Variants in GMDS observed in about 807,000 individuals in gnomAD.
GMDS encodes the protein GDP-mannose 4,6 dehydratase.
Under a neutral mutation model 49.9 loss-of-function variants are expected in GMDS, and 20 were observed. That is an observed-to-expected ratio of 0.40 (90% confidence interval 0.28 to 0.58). The LOEUF (loss-of-function observed/expected upper bound fraction) is 0.58. Among genes scored for constraint, GMDS ranks in the 20% least tolerant of loss-of-function variants. The pLI is 0.42. For missense variants in GMDS, 362 were observed against 481.4 expected (o/e 0.75, Z 2.32); for synonymous variants, 177 against 178.6 (o/e 0.99, Z 0.07).
intron 9 of GMDS, among the ~76,000 whole-genome samples, chr6:1,677,507 T>G: frequency 6.6e-6 from 1 of 152,154 alleles, no homozygotes; most frequent in East Asian, 1.9e-4. Flanking sequence ...GTATGTTTAT[T>G]GTGGCACTAT....
intron 1 of GMDS, among the ~76,000 whole-genome samples, chr6:2,212,052 T>C (rs1309027633): frequency 6.6e-6 from 1 of 152,252 alleles, no homozygotes; most frequent in Non-Finnish European, 1.5e-5. Context: ...GCAGGGAATT[T>C]TAATGTCATA....
At chr6:1,707,867 A>G (rs1306427034) in intron 9 of GMDS, among the ~76,000 whole-genome samples, 1 of 152,246 alleles carries the variant, frequency 6.6e-6, no homozygotes. Flanking sequence ...TTGGGAAAAT[A>G]GGCTTGTGTT....
At chr6:1,856,741 T>C (rs1757952739) in intron 7 of GMDS, among the ~76,000 whole-genome samples, 1 of 152,202 alleles carries the variant, frequency 6.6e-6, no homozygotes, top group East Asian at 1.9e-4. Context: ...TGTGGAACTC[T>C]TTAGGCTGCG....
At chr6:1,942,960 C>T (rs1762889554) in intron 6 of GMDS, among the ~76,000 whole-genome samples, 1 of 152,214 alleles carries the variant, frequency 6.6e-6, no homozygotes. Context: ...ACTCTCTTTG[C>T]CCTGACTCTC....
chr6:1,670,160 T>G (rs1764372175), intron 9 of GMDS, among the ~76,000 whole-genome samples: 1 of 151,898 alleles, frequency 6.6e-6, no homozygotes, highest in Non-Finnish European at 1.5e-5. Flanking sequence ...CCCCCTCAAC[T>G]CCTCCCTGTG....
intron 7 of GMDS, among the ~76,000 whole-genome samples, chr6:1,894,858 A>C (rs1230254200): frequency 2.0e-5 from 3 of 152,228 alleles, no homozygotes; most frequent in Non-Finnish European, 1.5e-5. Context: ...GACATTTAGG[A>C]AATAGTTATT....
At chr6:2,061,276 C>A (rs999923490) in intron 4 of GMDS, among the ~76,000 whole-genome samples, 1 of 152,158 alleles carries the variant, frequency 6.6e-6, no homozygotes, top group African/African-American at 2.4e-5. Flanking sequence ...CTCACTCACA[C>A]CCTGTCTCCC....
At chr6:2,002,125 T>C (rs1246321384) in intron 4 of GMDS, among the ~76,000 whole-genome samples, 7 of 152,190 alleles carry the variant, frequency 4.6e-5, no homozygotes, top group Non-Finnish European at 7.3e-5. Context: ...GAAGGGAAAA[T>C]TGGATTTATA....
chr6:1,819,685 C>T (rs1329690990), intron 7 of GMDS, among the ~76,000 whole-genome samples: 2 of 149,644 alleles, frequency 1.3e-5, no homozygotes, highest in African/African-American at 4.9e-5. Flanking sequence ...TGCTTGAACC[C>T]AGGAGGCAGA....
chr6:2,237,948 T>G (rs561054598), intron 1 of GMDS, among the ~76,000 whole-genome samples: 1 of 152,282 alleles, frequency 6.6e-6, no homozygotes, highest in East Asian at 1.9e-4. Flanking sequence ...AGGGAAAGTG[T>G]TAATTTTCAT....
intron 1 of GMDS, among the ~76,000 whole-genome samples, chr6:2,165,773 T>G (rs1777638236): frequency 6.6e-6 from 1 of 151,616 alleles, no homozygotes; most frequent in Admixed American, 6.6e-5. Flanking sequence ...ATATATAGAG[T>G]TGAGACATAA....
At chr6:2,125,131 G>A (rs1775348158) in intron 1 of GMDS, among the ~76,000 whole-genome samples, 1 of 152,114 alleles carries the variant, frequency 6.6e-6, no homozygotes, top group South Asian at 2.1e-4. Flanking sequence ...GTAATTCTGG[G>A]GGGTCATTAA....
At chr6:2,172,222 C>T (rs978387407) in intron 1 of GMDS, among the ~76,000 whole-genome samples, 1 of 152,124 alleles carries the variant, frequency 6.6e-6, no homozygotes, top group African/African-American at 2.4e-5. Flanking sequence ...AAATGAGATA[C>T]TACCTCTCAA....
At chr6:2,185,703 T>C (rs1001364171) in intron 1 of GMDS, among the ~76,000 whole-genome samples, 1 of 152,176 alleles carries the variant, frequency 6.6e-6, no homozygotes, top group African/African-American at 2.4e-5. Flanking sequence ...GCCTAAATAC[T>C]GCCACCCTAG....
At chr6:1,675,550 C>T (rs560299419) in intron 9 of GMDS, among the ~76,000 whole-genome samples, 1 of 152,240 alleles carries the variant, frequency 6.6e-6, no homozygotes, top group South Asian at 2.1e-4. Context: ...TAGTTTCTCA[C>T]CATCAAGTAT....
intron 7 of GMDS, among the ~76,000 whole-genome samples, chr6:1,841,053 C>CA (rs1188240772): frequency 1.3e-5 from 2 of 152,122 alleles, no homozygotes; most frequent in East Asian, 3.9e-4. Context: ...ATGTAGGTAT[C>CA]AGAGACTGAA....
At chr6:1,795,790 T>C (rs932220505) in intron 7 of GMDS, among the ~76,000 whole-genome samples, 1 of 152,260 alleles carries the variant, frequency 6.6e-6, no homozygotes, top group Non-Finnish European at 1.5e-5. Flanking sequence ...CATTTCAGTG[T>C]ACTCAATTTA....
chr6:1,962,530 C>T (rs1570537), intron 4 of GMDS, among the ~76,000 whole-genome samples: 27,757 of 152,156 alleles, frequency 0.18, 2,730 homozygotes, highest in African/African-American at 0.25. Context: ...AACAAGAGTT[C>T]CAATTTCTCC....
At chr6:1,761,550 G>A (rs1017579643) in intron 7 of GMDS, among the ~76,000 whole-genome samples, 1 of 152,186 alleles carries the variant, frequency 6.6e-6, no homozygotes, top group Non-Finnish European at 1.5e-5. Context: ...GAGTTCTGAG[G>A]AGCAAGCTTT....
Sources: gnomAD v4.1 joint callset for allele counts (sites outside exome capture counted in the v4.1 genomes callset) on GRCh38, gnomAD v4.1.1 for gene constraint, MANE v1.5 for transcripts, NCBI Gene and HGNC (gene_info 2026-07-23, HGNC 2026-07-21) for gene names.